HTATIP2: variants seen among roughly 807,000 people sequenced by gnomAD.
HTATIP2 encodes protein HTATIP2.
HTATIP2 carries 26 observed loss-of-function variants against 24.7 expected under a neutral mutation model. The ratio of observed to expected loss-of-function variants is 1.05; its 90% CI spans 0.77 to 1.46. HTATIP2 has a LOEUF of 1.46. HTATIP2 is among the 40% of genes most tolerant of loss of function. The probability of loss-of-function intolerance (pLI) is 0.00; values close to 1 mark genes in which losing one functional copy is unlikely to be tolerated. For missense variants in HTATIP2, 284 were observed against 289.6 expected, an observed-to-expected ratio of 0.98 and a Z score of 0.14; for synonymous variants, 99 against 113.2, an observed-to-expected ratio of 0.87 and a Z score of 0.79.
At chr11:20,378,143 AT>A (rs1848471275) in intron 3 of HTATIP2, among the ~76,000 whole-genome samples, 2 of 151,950 alleles carry the variant, frequency 1.3e-5, no homozygotes, top group African/African-American at 2.4e-5. Context: ...AAATTTCCAG[AT>A]TTTTTTCACA....
chr11:20,381,441 C>T (rs1228182820), intron 3 of HTATIP2, among the ~76,000 whole-genome samples: 1 of 151,518 alleles, frequency 6.6e-6, no homozygotes, highest in Non-Finnish European at 1.5e-5. Context: ...CTCTATCACA[C>T]ACAAAAAATA....
chr11:20,374,981 C>T (rs568514167), intron 2 of HTATIP2, among the ~76,000 whole-genome samples: 2 of 152,196 alleles, frequency 1.3e-5, no homozygotes, highest in South Asian at 4.1e-4. Flanking sequence ...ATTCTGCCTA[C>T]CACAATCACG....
chr11:20,364,867 G>A lies in HTATIP2; in HGVS notation c.195+435G>A, dbSNP rs778398818. 5.3e-5 allele frequency among the ~76,000 whole-genome samples: 8 copies of A among 152,200 alleles called. No homozygotes were observed. In the South Asian group the frequency reaches 8.3e-4, roughly 16 times the overall value. ...AGGGATTCTGAAACTGCTTTGCAGA[G>A]TGAGATAGGTCTATGGCAGTGAAAG... On this transcript the variant is annotated intron_variant, in intron 1 of 4. Transcript: ENST00000451739.
chr11:20,376,756 C>G (rs755839515), intron 3 of HTATIP2, 39 bp downstream of exon 3: 2 of 1,540,574 alleles, frequency 1.3e-6, no homozygotes, highest in African/African-American at 2.8e-5. Flanking sequence ...CTTTGGAGAA[C>G]CCTAGCTATT....
chr11:20,365,457 C>T (rs1377209826), intron 1 of HTATIP2, among the ~76,000 whole-genome samples: 1 of 152,214 alleles, frequency 6.6e-6, no homozygotes, highest in Non-Finnish European at 1.5e-5. Flanking sequence ...ACCACAGCTA[C>T]AGAATTTGGC....
intron 2 of HTATIP2, among the ~76,000 whole-genome samples, chr11:20,372,609 G>C (rs2064783121): frequency 6.6e-6 from 1 of 152,156 alleles, no homozygotes; most frequent in Non-Finnish European, 1.5e-5. Context: ...ATTGGCTATG[G>C]AATCATAAAG....
At position 20,379,152 on chromosome 11, in the gene HTATIP2, C is replaced by G. The variant is rs1848485784; in HGVS notation, c.441+2435C>G. Among the ~76,000 whole-genome samples the G allele has an allele frequency of 2.6e-5, 4 of 152,230 alleles. No individual in the cohort carries two copies. The South Asian group carries it at 8.3e-4, about 32-fold the overall frequency. On this transcript the variant is annotated intron_variant, in intron 3 of 4. Transcript: ENST00000451739. ...CTGATTCCAAGGCCTATGCCACTAG[C>G]TATTAAGTAATGAATAGCCTTTGTC...
intron 3 of HTATIP2, among the ~76,000 whole-genome samples, chr11:20,379,758 A>C (rs1245810489): frequency 6.6e-6 from 1 of 152,142 alleles, no homozygotes; most frequent in Non-Finnish European, 1.5e-5. Flanking sequence ...CTTTCCAGAC[A>C]TGTGACATTT....
Position 20,376,711 on chromosome 11 carries a change from A to G in HTATIP2, c.435A>G (p.Gln145=). The change falls in exon 3 of 5, where the codon CAA becomes CAG. Residue 145 remains glutamine (Q), a synonymous_variant. Transcript: ENST00000451739. ...ADKSSNFLYL[Q]VKGEVEAKVE... ...AATCAAGCAATTTTTTATATCTACA[A>G]GTTAAGGTTTGTGCAAGTTTCTGTT... is the stretch of plus-strand genomic sequence containing the variant. The G allele has an allele frequency of 6.2e-7, 1 of 1,605,618 alleles. No homozygotes were observed. Among genetic ancestry groups the G allele is most frequent in the African/African-American group, 1.3e-5 (1 of 74,240 alleles).
At chr11:20,370,528 C>T (rs1387826775) in intron 2 of HTATIP2, among the ~76,000 whole-genome samples, 1 of 152,194 alleles carries the variant, frequency 6.6e-6, no homozygotes, top group Non-Finnish European at 1.5e-5. Flanking sequence ...TTAGGCATCT[C>T]ATGGCCCATC....
intron 2 of HTATIP2, among the ~76,000 whole-genome samples, chr11:20,367,847 C>T (rs943126842): frequency 6.6e-6 from 1 of 152,164 alleles, no homozygotes; most frequent in South Asian, 2.1e-4. Context: ...ATTTTATTTT[C>T]TTTTTAATGG....
intron 3 of HTATIP2, among the ~76,000 whole-genome samples, chr11:20,378,042 TG>T (rs1446042988): frequency 2.0e-5 from 3 of 152,156 alleles, no homozygotes; most frequent in African/African-American, 4.8e-5. Context: ...CCGAACACTA[TG>T]TTTTTTTAAA....
intron 2 of HTATIP2, 141 bp downstream of exon 2, chr11:20,367,422 C>T: frequency 1.3e-6 from 2 of 1,546,422 alleles, no homozygotes; most frequent in Non-Finnish European, 1.7e-6. Flanking sequence ...ATATGCTGCA[C>T]TAACCTTTGG....
chr11:20,366,341 G>A lies in HTATIP2; in HGVS notation c.196-833G>A, dbSNP rs548566041. ...AGGATGGTCTCGATCTCCTGACCTC[G>A]TGATCCACCCACCTCAGCCTCCCAA... On this transcript the variant is annotated intron_variant, in intron 1 of 4. Coordinates refer to ENST00000451739, the MANE Select transcript of HTATIP2 (RefSeq NM_001098522.2). 8.6e-5 allele frequency among the ~76,000 whole-genome samples: 13 copies of A among 151,678 alleles called. No homozygotes were observed. The South Asian group carries it at 1.9e-3, about 22-fold the overall frequency.
At chr11:20,371,525 C>A (rs964189777) in intron 2 of HTATIP2, among the ~76,000 whole-genome samples, 1 of 152,082 alleles carries the variant, frequency 6.6e-6, no homozygotes, top group African/African-American at 2.4e-5. Flanking sequence ...TCCACCTACC[C>A]AGCTCAAGCA....
rs778437497 is a variant in HTATIP2, at chr11:20,364,265, C to T, written c.28C>T (p.Leu10Phe). Residue 10 changes from leucine (L) to phenylalanine (F), a missense_variant, in exon 1 of 5, where the codon CTT becomes TTT. By Grantham distance (22) the Leu-to-Phe change is conservative. Transcript: ENST00000451739. Reference sequence around the variant, plus strand: ...GGCCGAAACAGAAGCCCTGTCGAAGCTTCGGGAAGACTTCAGGATGCAGAA... The same window carrying T: ...GGCCGAAACAGAAGCCCTGTCGAAGTTTCGGGAAGACTTCAGGATGCAGAA... MAETEALSK[L>F]REDFRMQNKS... The T allele has an allele frequency of 1.7e-5, 27 of 1,609,066 alleles. No individual in the cohort carries two copies. In the Middle Eastern group the frequency reaches 9.9e-4, roughly 59 times the overall value.
At chr11:20,381,974 T>C (rs1225955805) in intron 3 of HTATIP2, among the ~76,000 whole-genome samples, 1 of 152,216 alleles carries the variant, frequency 6.6e-6, no homozygotes, top group Non-Finnish European at 1.5e-5. Context: ...GTGGATCTTT[T>C]AAATGAAAGA....
chr11:20,376,284 C>A, intron 2 of HTATIP2: 1 of 369,656 alleles, frequency 2.7e-6, no homozygotes, highest in South Asian at 4.1e-5. Context: ...GTTTCTCAGC[C>A]TGATCTTACT....
At chr11:20,376,768 G>C (rs745309415) in intron 3 of HTATIP2, 51 bp downstream of exon 3, 3 of 1,438,322 alleles carry the variant, frequency 2.1e-6, no homozygotes, top group Non-Finnish European at 2.9e-6. Context: ...CTAGCTATTT[G>C]GCAGTACTAA....
Sources: allele counts gnomAD v4.1 joint callset (sites outside exome capture counted in the v4.1 genomes callset), GRCh38; gene constraint gnomAD v4.1.1; transcripts MANE v1.5; gene names NCBI Gene and HGNC (gene_info 2026-07-23, HGNC 2026-07-21).